Variants in ROBO1 observed in about 807,000 individuals in gnomAD.
ROBO1 encodes roundabout homolog 1.
In ROBO1, 149 loss-of-function variants were observed where a neutral mutation model predicts 195.9. The observed-to-expected ratio is 0.76, with a 90% CI of 0.67 to 0.87. ROBO1 has a LOEUF of 0.87. Among genes scored for constraint, ROBO1 ranks in the 40% least tolerant of loss-of-function variants. The pLI is 0.00. For missense variants in ROBO1, 1,933 were observed against 2,068.3 expected (o/e 0.93, Z 1.27); for synonymous variants, 816 against 733.2 (o/e 1.11, Z -1.82).
At chr3:79,164,507 C>A (rs945504637) in intron 2 of ROBO1, among the ~76,000 whole-genome samples, 2 of 152,184 alleles carry the variant, frequency 1.3e-5, no homozygotes, top group African/African-American at 4.8e-5. Context: ...CCATCACTCT[C>A]ATCTTGATCC....
At chr3:79,694,982 T>C (rs1426425689) in intron 1 of ROBO1, among the ~76,000 whole-genome samples, 1 of 151,582 alleles carries the variant, frequency 6.6e-6, no homozygotes, top group Non-Finnish European at 1.5e-5. Context: ...GATACTTTTC[T>C]CTGTTTTCCC....
At chr3:78,601,551 C>T (rs1461570866) in intron 29 of ROBO1, among the ~76,000 whole-genome samples, 1 of 152,182 alleles carries the variant, frequency 6.6e-6, no homozygotes, top group African/African-American at 2.4e-5. Context: ...CAACAGCTTT[C>T]TCTCTACTGA....
At chr3:78,868,184 C>G (rs897306118) in intron 4 of ROBO1, among the ~76,000 whole-genome samples, 28 of 152,076 alleles carry the variant, frequency 1.8e-4, no homozygotes, top group African/African-American at 6.8e-4. Context: ...GCACATGGAG[C>G]TGCCAAGATG....
chr3:79,536,316 A>T (rs1941860872), intron 2 of ROBO1, among the ~76,000 whole-genome samples: 1 of 152,132 alleles, frequency 6.6e-6, no homozygotes, highest in Admixed American at 6.6e-5. Flanking sequence ...GCAAATAGTG[A>T]TCTAGCTGAT....
At chr3:78,865,065 T>C (rs1316142644) in intron 4 of ROBO1, among the ~76,000 whole-genome samples, 1 of 152,194 alleles carries the variant, frequency 6.6e-6, no homozygotes, top group Admixed American at 6.5e-5. Context: ...TTATTTGAAT[T>C]GGACTGGTGA....
At chr3:79,000,645 G>C (rs895616906) in intron 3 of ROBO1, among the ~76,000 whole-genome samples, 1 of 152,144 alleles carries the variant, frequency 6.6e-6, no homozygotes, top group Non-Finnish European at 1.5e-5. Flanking sequence ...AGAGAATGTG[G>C]AGAAATAGGA....
intron 2 of ROBO1, among the ~76,000 whole-genome samples, chr3:79,406,484 C>T (rs1575781938): frequency 6.6e-6 from 1 of 151,814 alleles, no homozygotes. Context: ...AAAAATGCTT[C>T]CTGGCATATT....
At chr3:79,647,848 G>A (rs371644654) in intron 1 of ROBO1, among the ~76,000 whole-genome samples, 12 of 151,750 alleles carry the variant, frequency 7.9e-5, no homozygotes, top group African/African-American at 2.2e-4. Flanking sequence ...ACCGATTCCC[G>A]TAAGATATAT....
chr3:78,673,649 T>C (rs1004830120), intron 10 of ROBO1, among the ~76,000 whole-genome samples: 1 of 140,946 alleles, frequency 7.1e-6, no homozygotes, highest in Non-Finnish European at 1.5e-5. Context: ...TAGCTATCTT[T>C]TCCCCACATT....
intron 2 of ROBO1, among the ~76,000 whole-genome samples, chr3:79,510,475 G>A (rs1005427805): frequency 2.6e-5 from 4 of 151,638 alleles, no homozygotes; most frequent in Non-Finnish European, 4.4e-5. Flanking sequence ...ACTAATATAT[G>A]GTAATATATA....
intron 1 of ROBO1, among the ~76,000 whole-genome samples, chr3:79,643,414 T>C (rs1009805065): frequency 1.3e-5 from 2 of 152,188 alleles, no homozygotes; most frequent in African/African-American, 2.4e-5. Flanking sequence ...CGTTCATATA[T>C]ACATCTATCC....
chr3:78,859,470 C>T (rs747581563), intron 4 of ROBO1, among the ~76,000 whole-genome samples: 2 of 152,038 alleles, frequency 1.3e-5, no homozygotes, highest in Non-Finnish European at 2.9e-5. Context: ...TATGAACTTT[C>T]ATATTGTGAA....
intron 2 of ROBO1, among the ~76,000 whole-genome samples, chr3:79,270,723 G>A (rs894549236): frequency 1.3e-5 from 2 of 151,790 alleles, no homozygotes; most frequent in Admixed American, 1.3e-4. Flanking sequence ...GCCAATTTAT[G>A]ACCTCTGTTG....
At chr3:79,215,853 TTTA>T (rs1264497536) in intron 2 of ROBO1, among the ~76,000 whole-genome samples, 1 of 152,218 alleles carries the variant, frequency 6.6e-6, no homozygotes. Context: ...GTTTTAGATC[TTTA>T]TTTATGCCAT....
At chr3:79,370,080 G>A (rs963554266) in intron 2 of ROBO1, among the ~76,000 whole-genome samples, 1 of 152,000 alleles carries the variant, frequency 6.6e-6, no homozygotes, top group Admixed American at 6.6e-5. Flanking sequence ...AGTCTCTTTG[G>A]GCAGTGGCTC....
Position 78,668,477 on chromosome 3 carries a change from A to G in ROBO1, c.1630+7T>C. On this transcript the variant is annotated splice_region_variant and intron_variant, in intron 12 of 30. Transcript: ENST00000464233. ...TCACTTTAAGGGAAACACACCATTT[A>G]CTTTACCTTGAACTTCAATGTAAGC... 1 of 1,613,554 alleles carries G rather than the reference A, an allele frequency of 6.2e-7. No individual in the cohort carries two copies. Among genetic ancestry groups the G allele is most frequent in the Non-Finnish European group, 8.5e-7 (1 of 1,179,526 alleles).
At chr3:79,184,555 G>C (rs745959310) in intron 2 of ROBO1, among the ~76,000 whole-genome samples, 2 of 152,174 alleles carry the variant, frequency 1.3e-5, no homozygotes, top group East Asian at 1.9e-4. Context: ...CTCTTGGTCA[G>C]TGTGGACAAT....
intron 3 of ROBO1, among the ~76,000 whole-genome samples, chr3:78,964,806 T>G (rs979884573): frequency 6.6e-6 from 1 of 150,774 alleles, no homozygotes; most frequent in Non-Finnish European, 1.5e-5. Context: ...TTAGGGTTTT[T>G]TTTTTGTTTT....
chr3:78,876,573 A>G (rs903802012), intron 4 of ROBO1, among the ~76,000 whole-genome samples: 2 of 152,238 alleles, frequency 1.3e-5, no homozygotes, highest in Admixed American at 1.3e-4. Context: ...CAATTGATCC[A>G]ATGTGAGATA....
Sources: allele counts gnomAD v4.1 joint callset (sites outside exome capture counted in the v4.1 genomes callset), GRCh38; gene constraint gnomAD v4.1.1; transcripts MANE v1.5; gene names NCBI Gene and HGNC (gene_info 2026-07-23, HGNC 2026-07-21).